The following KLHL7 variants were observed in gnomAD, a reference collection of about 807,000 sequenced individuals.
The protein encoded by KLHL7 is kelch like family member 7.
KLHL7 carries 44 observed loss-of-function variants against 67.4 expected under a neutral mutation model. That is an observed-to-expected ratio of 0.65 (90% CI 0.51 to 0.84). The LOEUF (loss-of-function observed/expected upper bound fraction) is 0.84. KLHL7 is among the 40% of genes least tolerant of loss of function. The pLI is 0.00. For synonymous variants in KLHL7, 252 were observed against 243.3 expected (o/e 1.04, Z -0.33); for missense variants, 362 against 718.1 (o/e 0.50, Z 5.67).
chr7:23,110,278 T>G (rs1782811414), intron 1 of KLHL7, among the ~76,000 whole-genome samples: 1 of 152,212 alleles, frequency 6.6e-6, no homozygotes, highest in African/African-American at 2.4e-5. Context: ...TATAAACCTA[T>G]TTTGACACTT....
At position 23,152,170 on chromosome 7, in the gene KLHL7, A is replaced by C; in HGVS notation, c.897A>C (p.Gly299=). The change falls in exon 7 of 11, where the codon GGA becomes GGC. Residue 299 remains glycine, a synonymous_variant. Coordinates refer to ENST00000339077, the MANE Select transcript of KLHL7 (RefSeq NM_001031710.3). ...ATGACTACCGCATAGCCCTATTTGG[A>C]GGCTCTCAACCACAGTCTTGTAGAT... ...KKHDYRIALF[G]GSQPQSCRYF... is the part of the protein sequence containing the mutation. 6.2e-7 allele frequency: 1 copy of C among 1,613,936 alleles called. No individual in the cohort carries two copies. Among genetic ancestry groups the C allele is most frequent in the Non-Finnish European group, 8.5e-7 (1 of 1,179,826 alleles).
chr7:23,151,495 T>C (rs3950345), intron 6 of KLHL7, among the ~76,000 whole-genome samples: 66,433 of 152,014 alleles, frequency 0.44, 16,378 homozygotes, highest in African/African-American at 0.68. Context: ...CGTGGGGTGT[T>C]AAATATGCAG....
intron 9 of KLHL7, chr7:23,172,278 A>AT: frequency 2.3e-6 from 1 of 426,016 alleles, no homozygotes; most frequent in South Asian, 1.7e-5. Flanking sequence ...CAACCTGTGA[A>AT]TTAATATCCT....
intron 1 of KLHL7, chr7:23,106,566 CCTGACATCAG>C (rs1284945989): frequency 9.5e-7 from 1 of 1,053,982 alleles, no homozygotes; most frequent in Admixed American, 4.9e-5. Flanking sequence ...GAGTTGCTGG[CCTGACATCAG>C]CTGCTCTTAA....
chr7:23,160,620 C>A (rs1784830198), intron 7 of KLHL7, among the ~76,000 whole-genome samples: 1 of 152,182 alleles, frequency 6.6e-6, no homozygotes, highest in African/African-American at 2.4e-5. Flanking sequence ...ATCTAGCAGC[C>A]TGCAATAGCA....
chr7:23,153,319 G>C (rs191825201), intron 7 of KLHL7, among the ~76,000 whole-genome samples: 65 of 152,264 alleles, frequency 4.3e-4, no homozygotes, highest in Admixed American at 1.3e-3. Context: ...TGATATATTA[G>C]TGACACCCCT....
At chr7:23,135,799 A>C (rs1283848215) in intron 4 of KLHL7, among the ~76,000 whole-genome samples, 1 of 152,218 alleles carries the variant, frequency 6.6e-6, no homozygotes, top group Non-Finnish European at 1.5e-5. Context: ...AAAAAGAAAG[A>C]ATATCAATAT....
intron 1 of KLHL7, among the ~76,000 whole-genome samples, chr7:23,122,541 AC>A (rs1783395567): frequency 6.6e-6 from 1 of 152,198 alleles, no homozygotes; most frequent in Admixed American, 6.5e-5. Context: ...AATTCAAGAC[AC>A]TATGAGAATA....
intron 4 of KLHL7, among the ~76,000 whole-genome samples, chr7:23,131,333 A>G (rs1783790080): frequency 6.6e-6 from 1 of 152,290 alleles, no homozygotes; most frequent in South Asian, 2.1e-4. Flanking sequence ...AATGCCAACA[A>G]ATGGTTCTTG....
At position 23,135,432 on chromosome 7, in the gene KLHL7, A is replaced by G. The variant is rs139224803; in HGVS notation, c.443-5337A>G. Among the ~76,000 whole-genome samples, 58 of 152,308 alleles carry G rather than the reference A, an allele frequency of 3.8e-4. 1 individual carries two copies. In the East Asian group the frequency reaches 8.3e-3, roughly 22 times the overall value. On this transcript the variant is annotated intron_variant, in intron 4 of 10. Transcript: ENST00000339077. ...AGCTCTTAGATGAAATAGTCTATAA[A>G]TATCTGTTAGATCCATTTGGTCTAT... is the stretch of plus-strand genomic sequence containing the variant.
Position 23,106,159 on chromosome 7 carries a change from T to C in KLHL7, c.120+13T>C. The C allele has an allele frequency of 6.2e-7, 1 of 1,608,556 alleles. No homozygotes were observed. Among genetic ancestry groups the C allele is most frequent in the South Asian group, 1.1e-5 (1 of 89,908 alleles). ...CATGCGGAAACAGGTACCGCCTCTG[T>C]GGGAGTGACGGACGACGGTGGGAGG... is the stretch of plus-strand genomic sequence containing the variant. On this transcript the variant is annotated intron_variant, in intron 1 of 10. Coordinates refer to ENST00000339077, the MANE Select transcript of KLHL7 (RefSeq NM_001031710.3).
At chr7:23,123,282 C>T (rs1308239146) in intron 1 of KLHL7, among the ~76,000 whole-genome samples, 1 of 152,124 alleles carries the variant, frequency 6.6e-6, no homozygotes, top group Non-Finnish European at 1.5e-5. Context: ...GTTTCTGTTT[C>T]AAGTTAGATC....
At chr7:23,125,324 C>A in intron 4 of KLHL7, 152 bp downstream of exon 4, 1 of 716,470 alleles carries the variant, frequency 1.4e-6, no homozygotes, top group Non-Finnish European at 2.3e-6. Context: ...TTAAGAGGGG[C>A]TTAGAGAGAT....
At chr7:23,146,998 T>C (rs1317288050) in intron 6 of KLHL7, among the ~76,000 whole-genome samples, 2 of 152,096 alleles carry the variant, frequency 1.3e-5, no homozygotes, top group Non-Finnish European at 2.9e-5. Flanking sequence ...TTATGAGTAA[T>C]TTTCTTATGA....
At chr7:23,112,606 GGT>G (rs1335528467) in intron 1 of KLHL7, among the ~76,000 whole-genome samples, 1 of 152,132 alleles carries the variant, frequency 6.6e-6, no homozygotes, top group Non-Finnish European at 1.5e-5. Flanking sequence ...ATGGCCAAAT[GGT>G]CTAAAGCACT....
Position 23,123,782 on chromosome 7 carries a change from G to T in KLHL7, c.126G>T (p.Thr42=), listed in dbSNP as rs150640353. ...GVMNNMRKQK[T]LCDVILMVQE... is the part of the protein sequence containing the mutation. ...TGTATTTTTCCTTTGATTAGAAAAC[G>T]TTGTGTGACGTGATCCTCATGGTCC... Residue 42 remains threonine (T), a synonymous_variant, in exon 2 of 11, where the codon ACG becomes ACT. Coordinates refer to ENST00000339077, the MANE Select transcript of KLHL7 (RefSeq NM_001031710.3). 2.5e-6 allele frequency: 4 copies of T among 1,610,734 alleles called. No homozygotes were observed. The highest frequency in any genetic ancestry group is 3.4e-6 in the Non-Finnish European group (4 of 1,177,198).
chr7:23,138,345 C>T (rs1320154939), intron 4 of KLHL7, among the ~76,000 whole-genome samples: 1 of 150,818 alleles, frequency 6.6e-6, no homozygotes, highest in Non-Finnish European at 1.5e-5. Context: ...GCCTGTACTC[C>T]CAGCTACTTG....
Position 23,158,014 on chromosome 7 carries a change from G to A in KLHL7, c.936+5805G>A, listed in dbSNP as rs557744708. On this transcript the variant is annotated intron_variant, in intron 7 of 10. Coordinates refer to ENST00000339077, the MANE Select transcript of KLHL7 (RefSeq NM_001031710.3). Reference sequence around the variant, plus strand: ...AGGGTCTTGCTCTGTCACCCAGGCTGGCGTGCAGTGGCACGGCCGTGGCTC... The same window carrying A: ...AGGGTCTTGCTCTGTCACCCAGGCTAGCGTGCAGTGGCACGGCCGTGGCTC... Among the ~76,000 whole-genome samples, 5 of 152,304 alleles carry A rather than the reference G, an allele frequency of 3.3e-5. No homozygotes were observed. In the South Asian group the frequency reaches 6.2e-4, roughly 19 times the overall value.
chr7:23,141,367 A>G (rs898810899), intron 5 of KLHL7, among the ~76,000 whole-genome samples: 1 of 152,246 alleles, frequency 6.6e-6, no homozygotes, highest in Non-Finnish European at 1.5e-5. Flanking sequence ...TGTGAGAAAG[A>G]CTTGACTGGT....
Sources: gnomAD v4.1 joint callset for allele counts (sites outside exome capture counted in the v4.1 genomes callset) on GRCh38, gnomAD v4.1.1 for gene constraint, MANE v1.5 for transcripts, NCBI Gene and HGNC (gene_info 2026-07-23, HGNC 2026-07-21) for gene names.